The following SGCZ variants were observed in gnomAD, a reference collection of about 807,000 sequenced individuals.
SGCZ encodes sarcoglycan zeta, also known as zeta-sarcoglycan.
SGCZ carries 40 observed loss-of-function variants against 41.3 expected under a neutral mutation model. The ratio of observed to expected loss-of-function variants is 0.97; its 90% CI spans 0.75 to 1.26. The LOEUF (loss-of-function observed/expected upper bound fraction) is 1.26, where lower values mean the gene tolerates loss of function less well. Among genes scored for constraint, SGCZ ranks in the 50% most tolerant of loss-of-function variants. SGCZ has a pLI of 0.00. For synonymous variants in SGCZ, 206 were observed against 137.5 expected, an observed-to-expected ratio of 1.50 and a Z score of -3.49; for missense variants, 552 against 369.8, an observed-to-expected ratio of 1.49 and a Z score of -4.04.
At chr8:15,008,619 C>T (rs867828684) in intron 1 of SGCZ, among the ~76,000 whole-genome samples, 23 of 48,000 alleles carry the variant, frequency 4.8e-4, no homozygotes, top group African/African-American at 1.9e-3. Context: ...GACTGATGGA[C>T]GGATGGGAGG....
At chr8:14,119,585 C>T (rs112778837) in intron 5 of SGCZ, among the ~76,000 whole-genome samples, 3,149 of 152,180 alleles carry the variant, frequency 0.021, 132 homozygotes, top group African/African-American at 0.073. Flanking sequence ...GCCAGAACTT[C>T]CAATACTATG....
At chr8:14,690,450 A>G (rs1289820158) in intron 1 of SGCZ, 6 of 152,146 alleles carry the variant, frequency 3.9e-5, no homozygotes. Context: ...GGATGATGAG[A>G]TGCTGTTGAT....
intron 2 of SGCZ, among the ~76,000 whole-genome samples, chr8:14,513,861 ACT>A (rs1461367150): frequency 2.6e-5 from 4 of 151,728 alleles, no homozygotes; most frequent in Non-Finnish European, 4.4e-5. Context: ...ATTTGTAACT[ACT>A]CTCTGTGCAT....
rs552380111 is a variant in SGCZ at position 14,403,603 on chromosome 8, G to A, written c.235-79399C>T. Among the ~76,000 whole-genome samples, 80 of 152,086 alleles carry A rather than the reference G, an allele frequency of 5.3e-4. 1 individual carries two copies. In the South Asian group the frequency reaches 0.013, roughly 24 times the overall value. On this transcript the variant is annotated intron_variant, in intron 2 of 7. Coordinates refer to ENST00000382080, the MANE Select transcript of SGCZ (RefSeq NM_139167.4). ...TGCTGGATTACATTTATTGATTCGC[G>A]TATATTGAACCAGCCTTGCATCAAT... is the stretch of plus-strand genomic sequence containing the variant.
chr8:15,028,967 G>A (rs542129538), intron 1 of SGCZ, among the ~76,000 whole-genome samples: 31 of 152,106 alleles, frequency 2.0e-4, no homozygotes, highest in African/African-American at 6.7e-4. Context: ...TGCAAACAGA[G>A]AAAAACATTT....
At chr8:14,856,003 C>G (rs1370293507) in intron 1 of SGCZ, among the ~76,000 whole-genome samples, 1 of 152,166 alleles carries the variant, frequency 6.6e-6, no homozygotes, top group Admixed American at 6.6e-5. Context: ...CAATTCAATT[C>G]CTGTTCAAGC....
intron 1 of SGCZ, among the ~76,000 whole-genome samples, chr8:14,883,506 A>G (rs1433697213): frequency 6.6e-6 from 1 of 152,118 alleles, no homozygotes; most frequent in Non-Finnish European, 1.5e-5. Flanking sequence ...TACTGATCCA[A>G]TCCTTATTTT....
intron 1 of SGCZ, among the ~76,000 whole-genome samples, chr8:14,923,519 C>A (rs781451102): frequency 6.6e-6 from 1 of 152,036 alleles, no homozygotes; most frequent in East Asian, 1.9e-4. Flanking sequence ...ACGAAATGTA[C>A]GAAACTCCCA....
At chr8:14,905,275 A>G (rs757084238) in intron 1 of SGCZ, among the ~76,000 whole-genome samples, 4 of 152,092 alleles carry the variant, frequency 2.6e-5, no homozygotes, top group Non-Finnish European at 5.9e-5. Flanking sequence ...AAAAGCTATA[A>G]AGAATGAACA....
At chr8:15,173,211 A>T (rs1799897521) in intron 1 of SGCZ, among the ~76,000 whole-genome samples, 1 of 152,218 alleles carries the variant, frequency 6.6e-6, no homozygotes, top group African/African-American at 2.4e-5. Flanking sequence ...AAAAACATAT[A>T]ACATGGAATT....
intron 3 of SGCZ, among the ~76,000 whole-genome samples, chr8:14,308,266 G>C (rs1052975069): frequency 2.0e-5 from 3 of 151,958 alleles, no homozygotes; most frequent in African/African-American, 7.3e-5. Context: ...TAATGAAAGC[G>C]CACGGAAAGG....
chr8:14,653,730 G>A (rs60496611), intron 1 of SGCZ, among the ~76,000 whole-genome samples: 8,283 of 151,616 alleles, frequency 0.055, 266 homozygotes, highest in South Asian at 0.14. Flanking sequence ...AATCCAAACA[G>A]TTTTCAAACG....
intron 1 of SGCZ, among the ~76,000 whole-genome samples, chr8:14,701,356 C>G (rs1809130883): frequency 6.6e-6 from 1 of 151,900 alleles, no homozygotes; most frequent in Non-Finnish European, 1.5e-5. Context: ...TCTCTCTCCC[C>G]TGAGTGGTGA....
chr8:14,421,652 C>A (rs1799640493), intron 2 of SGCZ, among the ~76,000 whole-genome samples: 1 of 152,084 alleles, frequency 6.6e-6, no homozygotes, highest in Non-Finnish European at 1.5e-5. Flanking sequence ...GCTGAGACTT[C>A]AACATAATGA....
At chr8:14,195,105 A>G (rs960799414) in intron 4 of SGCZ, among the ~76,000 whole-genome samples, 1 of 152,146 alleles carries the variant, frequency 6.6e-6, no homozygotes, top group African/African-American at 2.4e-5. Flanking sequence ...AACATTAACC[A>G]TAACGAGGAT....
intron 1 of SGCZ, among the ~76,000 whole-genome samples, chr8:15,227,926 C>T (rs920853066): frequency 4.0e-5 from 6 of 150,850 alleles, no homozygotes; most frequent in African/African-American, 1.2e-4. Context: ...AACCAATATA[C>T]AGCACTATTT....
intron 1 of SGCZ, among the ~76,000 whole-genome samples, chr8:14,748,878 T>C (rs1799415019): frequency 6.6e-6 from 1 of 152,174 alleles, no homozygotes; most frequent in Non-Finnish European, 1.5e-5. Flanking sequence ...GTAGGTAGTG[T>C]TCTTTTCCCT....
At chr8:14,156,496 T>G (rs1803880082) in intron 5 of SGCZ, among the ~76,000 whole-genome samples, 1 of 151,788 alleles carries the variant, frequency 6.6e-6, no homozygotes, top group East Asian at 1.9e-4. Context: ...AACAAAAAAG[T>G]TCTTTCTTTC....
At chr8:14,332,963 C>T (rs932305925) in intron 2 of SGCZ, among the ~76,000 whole-genome samples, 2 of 150,510 alleles carry the variant, frequency 1.3e-5, no homozygotes, top group Admixed American at 6.6e-5. Flanking sequence ...AAAATGTTCA[C>T]ATACGAAATG....
Sources: gnomAD v4.1 joint callset for allele counts (sites outside exome capture counted in the v4.1 genomes callset) on GRCh38, gnomAD v4.1.1 for gene constraint, MANE v1.5 for transcripts, NCBI Gene and HGNC (gene_info 2026-07-23, HGNC 2026-07-21) for gene names.